Variants in PCDHGB2 observed in about 807,000 individuals in gnomAD.
PCDHGB2 encodes protocadherin gamma subfamily B, 2, also known as protocadherin gamma-B2.
Under a neutral mutation model 59.3 loss-of-function variants are expected in PCDHGB2, and 55 were observed. That is an observed-to-expected ratio of 0.93 (90% confidence interval 0.75 to 1.16). The LOEUF (loss-of-function observed/expected upper bound fraction) is 1.16, where lower values mean the gene tolerates loss of function less well. Among genes scored for constraint, PCDHGB2 ranks in the 50% most tolerant of loss-of-function variants. The pLI, the probability that PCDHGB2 is intolerant of heterozygous loss-of-function variation, is 0.00. For missense variants in PCDHGB2, 1,228 were observed against 1,198.5 expected, an observed-to-expected ratio of 1.02 and a Z score of -0.36; for synonymous variants, 516 against 512.0, an observed-to-expected ratio of 1.01 and a Z score of -0.11.
At chr5:141,364,470 A>G in intron 1 of PCDHGB2, 1 of 1,614,038 alleles carries the variant, frequency 6.2e-7, no homozygotes, top group Non-Finnish European at 8.5e-7. Context: ...TTCGTCGGCA[A>G]CATAGCCAAG....
chr5:141,401,841 CACTT>C (rs1043132396), intron 1 of PCDHGB2, among the ~76,000 whole-genome samples: 6 of 152,114 alleles, frequency 3.9e-5, no homozygotes, highest in Non-Finnish European at 8.8e-5. Flanking sequence ...CTTATAATAC[CACTT>C]ACTTTTAACC....
rs70988802 is a variant in PCDHGB2 at position 141,450,006 on chromosome 5, C to CTATTTTTTTT, written c.2422-44800_2422-44799insATTTTTTTTT. ...CACATTGCATTTAGTTGCCATGTCTCTTTTTTTTTTTTTTTTTTGAGACAG... is the reference window on the plus strand; with the variant it reads ...CACATTGCATTTAGTTGCCATGTCTCTATTTTTTTTTTTTTTTTTTTTTTTTTTGAGACAG... On this transcript the variant is annotated intron_variant, in intron 1 of 3. Transcript: ENST00000522605. Among the ~76,000 whole-genome samples the CTATTTTTTTT allele has an allele frequency of 3.0e-5, 4 of 132,980 alleles. 1 individual carries two copies. The highest frequency in any genetic ancestry group is 5.6e-5 in the African/African-American group (2 of 35,572). 87.2% of individuals were successfully genotyped at this position (132,980 alleles called of 152,430 possible). A position where few individuals can be genotyped will look rare whatever the true frequency, so the allele number is the denominator to read the frequency against.
At chr5:141,494,524 C>T (rs2099754936) in intron 1 of PCDHGB2, among the ~76,000 whole-genome samples, 1 of 152,156 alleles carries the variant, frequency 6.6e-6, no homozygotes, top group African/African-American at 2.4e-5. Flanking sequence ...GGAGTTCTGA[C>T]TCTGGGGGCA....
intron 1 of PCDHGB2, among the ~76,000 whole-genome samples, chr5:141,451,429 G>A (rs577699188): frequency 1.3e-3 from 195 of 152,306 alleles, no homozygotes; most frequent in African/African-American, 4.5e-3. Flanking sequence ...TAGACTAAGG[G>A]TTCCAGTTCC....
At chr5:141,386,290 A>T (rs2090519757) in intron 1 of PCDHGB2, among the ~76,000 whole-genome samples, 1 of 152,214 alleles carries the variant, frequency 6.6e-6, no homozygotes, top group African/African-American at 2.4e-5. Flanking sequence ...TTTGTATAAC[A>T]TTTTAGTAAA....
intron 1 of PCDHGB2, chr5:141,404,308 C>T (rs1241004917): frequency 6.2e-7 from 1 of 1,613,918 alleles, no homozygotes; most frequent in Middle Eastern, 1.6e-4. Flanking sequence ...CACCTGCTTT[C>T]TCTCAAGCCT....
chr5:141,390,212 C>T (rs2150413972), intron 1 of PCDHGB2: 1 of 1,614,058 alleles, frequency 6.2e-7, no homozygotes, highest in African/African-American at 1.3e-5. Flanking sequence ...CAGGACAAGA[C>T]ATACTTTGCG....
intron 1 of PCDHGB2, chr5:141,430,875 T>C: frequency 6.3e-7 from 1 of 1,599,398 alleles, no homozygotes; most frequent in Non-Finnish European, 8.5e-7. Context: ...CCGGAAGAGC[T>C]GGAGAAAGGC....
intron 1 of PCDHGB2, chr5:141,383,587 G>A (rs1054174619): frequency 3.1e-6 from 5 of 1,613,564 alleles, no homozygotes; most frequent in African/African-American, 1.3e-5. Context: ...CCACATCCAG[G>A]TGACAGTGGT....
chr5:141,419,220 A>G (rs2096345873), intron 1 of PCDHGB2: 1 of 1,613,966 alleles, frequency 6.2e-7, no homozygotes, highest in Non-Finnish European at 8.5e-7. Context: ...GTTTTCGGAC[A>G]GTCAGCCTAC....
At position 141,477,891 on chromosome 5, in the gene PCDHGB2, G is replaced by A. The variant is rs750359063; in HGVS notation, c.2422-16916G>A. 130 of 1,614,066 alleles carry A rather than the reference G, an allele frequency of 8.1e-5. 1 individual carries two copies. The highest frequency in any genetic ancestry group is 1.1e-4 in the Non-Finnish European group (125 of 1,180,050). On this transcript the variant is annotated intron_variant, in intron 1 of 3. Coordinates refer to ENST00000522605, the MANE Select transcript of PCDHGB2 (RefSeq NM_018923.3). The surrounding 1 kb of genome is among the most constrained non-coding windows in gnomAD (Gnocchi z 4.9). The stretch of plus-strand genomic sequence containing the variant: ...ACCTCAGCTGGCCACCTAGTGTCAC[G>A]GGTGGTAGGCTGGGACGCGGATGCA...
rs762770481 is a variant in PCDHGB2, at chr5:141,432,320, G to GACT, written c.2422-62484_2422-62482dup. On this transcript the variant is annotated intron_variant, in intron 1 of 3. Coordinates refer to ENST00000522605, the MANE Select transcript of PCDHGB2 (RefSeq NM_018923.3). This position sits in a 1 kb window ranked among gnomAD's most constrained non-coding sequence, Gnocchi z 6.0. ...GGTACTGTATGCGCTGAGCTCCTTC[G>GACT]ACTACGAGCAGTTCCGAGACTTGCA... is the stretch of plus-strand genomic sequence containing the variant. The GACT allele has an allele frequency of 2.6e-5, 42 of 1,614,238 alleles. No individual in the cohort carries two copies. The highest frequency in any genetic ancestry group is 3.6e-5 in the Non-Finnish European group (42 of 1,180,038).
intron 1 of PCDHGB2, among the ~76,000 whole-genome samples, chr5:141,435,451 CTGTA>C: frequency 6.6e-6 from 1 of 152,258 alleles, no homozygotes; most frequent in Non-Finnish European, 1.5e-5. Context: ...AATACGATAT[CTGTA>C]TGTGTTTCCA....
intron 1 of PCDHGB2, chr5:141,422,676 A>C (rs1245488589): frequency 6.2e-7 from 1 of 1,606,500 alleles, no homozygotes; most frequent in Admixed American, 1.7e-5. Flanking sequence ...CGGACAGCAA[A>C]CAGAATGCCC....
At chr5:141,482,876 AGCCTG>A (rs2099574018) in intron 1 of PCDHGB2, among the ~76,000 whole-genome samples, 1 of 152,142 alleles carries the variant, frequency 6.6e-6, no homozygotes, top group Admixed American at 6.5e-5. Flanking sequence ...GTTTGAAACC[AGCCTG>A]GCCAACATGG....
rs1011731430 is a variant in PCDHGB2, at chr5:141,489,676, G to A, written c.2422-5131G>A. 6.2e-7 allele frequency: 1 copy of A among 1,614,158 alleles called. No individual in the cohort carries two copies. The highest frequency in any genetic ancestry group is 8.5e-7 in the Non-Finnish European group (1 of 1,180,008). On this transcript the variant is annotated intron_variant, in intron 1 of 3. Coordinates refer to ENST00000522605, the MANE Select transcript of PCDHGB2 (RefSeq NM_018923.3). This position sits in a 1 kb window ranked among gnomAD's most constrained non-coding sequence, Gnocchi z 4.5. ...GCGAGAGATGCGCATCTCAGAATCAGCAGCATCTGGGGCACGATTCCCACT... is the reference window on the plus strand; with the variant it reads ...GCGAGAGATGCGCATCTCAGAATCAACAGCATCTGGGGCACGATTCCCACT...
chr5:141,475,248 C>T (rs1400887912), intron 1 of PCDHGB2, among the ~76,000 whole-genome samples: 2 of 152,166 alleles, frequency 1.3e-5, no homozygotes, highest in African/African-American at 4.8e-5. Context: ...AGAGTGTGCT[C>T]TACAACTGAG....
rs578223384 is a variant in PCDHGB2, at chr5:141,400,070, C to A, written c.2421+37514C>A. 4 of 1,613,804 alleles carry A rather than the reference C, an allele frequency of 2.5e-6. No individual in the cohort carries two copies. The African/African-American group carries it at 4.0e-5, about 16-fold the overall frequency. On this transcript the variant is annotated intron_variant, in intron 1 of 3. Transcript: ENST00000522605. ...GTTGCTGTGCGTGATGGTGGACAGC[C>A]GCCACTCTCCGCCACCGCCACGCTG...
chr5:141,371,850 C>T (rs1366445794), intron 1 of PCDHGB2: 5 of 1,613,540 alleles, frequency 3.1e-6, no homozygotes, highest in Admixed American at 1.7e-5. Context: ...ACCTAATGGC[C>T]TTGTCTCCTA....
Sources: gnomAD v4.1 joint callset for allele counts (sites outside exome capture counted in the v4.1 genomes callset) on GRCh38, gnomAD v4.1.1 for gene constraint, Gnocchi (gnomAD v3.1) non-coding constraint, MANE v1.5 for transcripts, NCBI Gene and HGNC (gene_info 2026-07-23, HGNC 2026-07-21) for gene names.